IMMP2L: variants seen among roughly 807,000 people sequenced by gnomAD.
The protein encoded by IMMP2L is inner mitochondrial membrane peptidase subunit 2.
Under a neutral mutation model 19.3 loss-of-function variants are expected in IMMP2L, and 18 were observed. The ratio of observed to expected loss-of-function variants is 0.93; its 90% CI spans 0.64 to 1.38. The LOEUF (loss-of-function observed/expected upper bound fraction) is 1.38. Among genes scored for constraint, IMMP2L ranks in the 40% most tolerant of loss-of-function variants. IMMP2L has a pLI of 0.00. For missense variants in IMMP2L, 233 were observed against 218.2 expected, an observed-to-expected ratio of 1.07 and a Z score of -0.43; for synonymous variants, 76 against 73.0, an observed-to-expected ratio of 1.04 and a Z score of -0.21.
chr7:111,306,255 C>G (rs906936372), intron 3 of IMMP2L, among the ~76,000 whole-genome samples: 1 of 152,054 alleles, frequency 6.6e-6, no homozygotes, highest in Admixed American at 6.6e-5. Context: ...CAAACTTGTC[C>G]AAAGCCATAG....
chr7:111,071,379 T>C (rs2129575388), intron 3 of IMMP2L, among the ~76,000 whole-genome samples: 1 of 152,236 alleles, frequency 6.6e-6, no homozygotes, highest in South Asian at 2.1e-4. Flanking sequence ...AGTAATTCCA[T>C]TCCTAGGTAC....
chr7:111,198,653 C>T (rs1222101922), intron 3 of IMMP2L, among the ~76,000 whole-genome samples: 1 of 152,140 alleles, frequency 6.6e-6, no homozygotes, highest in Admixed American at 6.5e-5. Context: ...CCTTTTTCCA[C>T]CATAACTGCC....
intron 3 of IMMP2L, among the ~76,000 whole-genome samples, chr7:111,480,597 C>CAAAAAAAA (rs925037556): frequency 1.8e-5 from 1 of 55,056 alleles, no homozygotes; most frequent in Non-Finnish European, 4.3e-5. Flanking sequence ...ATTTTACTGT[C>CAAAAAAAA]AAAAAAAAAA....
intron 5 of IMMP2L, among the ~76,000 whole-genome samples, chr7:110,816,166 T>C (rs957286281): frequency 7.9e-5 from 12 of 152,176 alleles, no homozygotes; most frequent in Admixed American, 6.5e-4. Context: ...GTATGTTGTG[T>C]TTTTGTTCTC....
chr7:111,518,277 T>C lies in IMMP2L; in HGVS notation c.135+3036A>G, dbSNP rs1198430336. Among the ~76,000 whole-genome samples the C allele has an allele frequency of 2.0e-5, 3 of 152,224 alleles. No homozygotes were observed. In the East Asian group the frequency reaches 5.8e-4, roughly 29 times the overall value. On this transcript the variant is annotated intron_variant, in intron 2 of 5. Transcript: ENST00000405709. ...TTTTGAAAGACCGAAAAACAATTCT[T>C]ACAGCAAAATTTGTTACTCAAAGTG...
chr7:111,348,383 C>G (rs1200626566), intron 3 of IMMP2L, among the ~76,000 whole-genome samples: 1 of 151,940 alleles, frequency 6.6e-6, no homozygotes, highest in Non-Finnish European at 1.5e-5. Flanking sequence ...TTCATAAATA[C>G]GTCTCTCCAA....
intron 4 of IMMP2L, among the ~76,000 whole-genome samples, chr7:110,920,337 C>T (rs1814129819): frequency 6.6e-6 from 1 of 152,130 alleles, no homozygotes; most frequent in African/African-American, 2.4e-5. Context: ...TAGGTAGGGA[C>T]ACAGAAAGAT....
At chr7:111,487,984 G>A (rs1842791451) in intron 2 of IMMP2L, among the ~76,000 whole-genome samples, 1 of 152,024 alleles carries the variant, frequency 6.6e-6, no homozygotes, top group Non-Finnish European at 1.5e-5. Context: ...CAAGAACTGA[G>A]AAACATTTTG....
intron 2 of IMMP2L, among the ~76,000 whole-genome samples, chr7:111,499,281 G>C (rs1338792979): frequency 6.6e-6 from 1 of 152,138 alleles, no homozygotes; most frequent in Non-Finnish European, 1.5e-5. Flanking sequence ...CAGTACCGAG[G>C]AGCATGACTC....
intron 5 of IMMP2L, among the ~76,000 whole-genome samples, chr7:110,683,735 G>C (rs997333659): frequency 6.6e-6 from 1 of 152,114 alleles, no homozygotes; most frequent in Non-Finnish European, 1.5e-5. Flanking sequence ...TTGACATTTA[G>C]TCCCTGAATA....
intron 3 of IMMP2L, among the ~76,000 whole-genome samples, chr7:111,051,084 G>C (rs10953677): frequency 0.77 from 116,468 of 152,126 alleles, 47,554 homozygotes; most frequent in Non-Finnish European, 0.9. Context: ...GCTGCAGTGA[G>C]CTATGAGTGC....
At chr7:110,851,414 G>A (rs1461054889) in intron 5 of IMMP2L, among the ~76,000 whole-genome samples, 1 of 152,134 alleles carries the variant, frequency 6.6e-6, no homozygotes, top group Admixed American at 6.6e-5. Context: ...GCAAACTTTG[G>A]CCAATGGGAG....
rs138149771 is a variant in IMMP2L at position 110,894,103 on chromosome 7, C to T, written c.306-7408G>A. Among the ~76,000 whole-genome samples the T allele has an allele frequency of 3.0e-4, 46 of 152,208 alleles. No homozygotes were observed. In the South Asian group the frequency reaches 8.9e-3, roughly 29 times the overall value. ...CAGACCACCTGACAGGTAAGACATCCGAAGACCCCGTACCTCCTCACCCCC... is the reference window on the plus strand; with the variant it reads ...CAGACCACCTGACAGGTAAGACATCTGAAGACCCCGTACCTCCTCACCCCC... On this transcript the variant is annotated intron_variant, in intron 4 of 5. Transcript: ENST00000405709.
chr7:111,033,774 G>T (rs905378675), intron 3 of IMMP2L, among the ~76,000 whole-genome samples: 8 of 152,118 alleles, frequency 5.3e-5, no homozygotes, highest in Non-Finnish European at 1.2e-4. Context: ...CATGAGACAT[G>T]AAAACATATC....
intron 3 of IMMP2L, among the ~76,000 whole-genome samples, chr7:111,076,039 C>A (rs1795379034): frequency 6.6e-6 from 1 of 152,214 alleles, no homozygotes; most frequent in Admixed American, 6.5e-5. Context: ...TTTCATAGAT[C>A]CTTCCAATAA....
intron 4 of IMMP2L, among the ~76,000 whole-genome samples, chr7:110,911,508 T>C (rs944903716): frequency 6.6e-6 from 1 of 152,142 alleles, no homozygotes; most frequent in Non-Finnish European, 1.5e-5. Context: ...TTTGTTTAAA[T>C]AGTACATTGA....
At chr7:111,430,602 G>A (rs1836528404) in intron 3 of IMMP2L, among the ~76,000 whole-genome samples, 1 of 151,602 alleles carries the variant, frequency 6.6e-6, no homozygotes, top group South Asian at 2.1e-4. Context: ...ATTAAGCAGG[G>A]CAAATATAAG....
intron 3 of IMMP2L, among the ~76,000 whole-genome samples, chr7:111,235,387 C>CT (rs1448101438): frequency 1.3e-5 from 2 of 151,808 alleles, no homozygotes; most frequent in South Asian, 2.1e-4. Context: ...AGGAGAATCG[C>CT]TTGAACTTGG....
At chr7:111,015,831 T>TA (rs1473432062) in intron 3 of IMMP2L, among the ~76,000 whole-genome samples, 1 of 152,262 alleles carries the variant, frequency 6.6e-6, no homozygotes, top group African/African-American at 2.4e-5. Context: ...TTTTCGATGC[T>TA]AGTGATTGAC....
Sources: gnomAD v4.1 joint callset for allele counts (sites outside exome capture counted in the v4.1 genomes callset) on GRCh38, gnomAD v4.1.1 for gene constraint, MANE v1.5 for transcripts, NCBI Gene and HGNC (gene_info 2026-07-23, HGNC 2026-07-21) for gene names.